The following ANKRD30A variants were observed in gnomAD, a reference collection of about 807,000 sequenced individuals.
The protein encoded by ANKRD30A is ankyrin repeat domain-containing protein 30A.
Under a neutral mutation model 166.3 loss-of-function variants are expected in ANKRD30A, and 170 were observed. The observed-to-expected ratio is 1.02, with a 90% CI of 0.90 to 1.16. ANKRD30A has a LOEUF of 1.16. Ranked by LOEUF, ANKRD30A falls within the 50% of genes most tolerant of loss-of-function variation. The pLI is 0.00. For missense variants in ANKRD30A, 1,630 were observed against 1,518.0 expected (o/e 1.07, Z -1.23); for synonymous variants, 564 against 508.9 (o/e 1.11, Z -1.46).
chr10:37,196,154 A>C (rs1420918305), intron 27 of ANKRD30A, among the ~76,000 whole-genome samples: 1 of 150,140 alleles, frequency 6.7e-6, no homozygotes, highest in Non-Finnish European at 1.5e-5. Context: ...GACAAACAAG[A>C]AAGAATGTAG....
At chr10:37,158,313 C>T (rs775201694) in intron 13 of ANKRD30A, 79 bp from the exon 14 acceptor site, 19 of 1,518,346 alleles carry the variant, frequency 1.3e-5, no homozygotes, top group Non-Finnish European at 1.6e-5. Flanking sequence ...GATTCATCTT[C>T]ATGTTCACAC....
At chr10:37,259,591 G>A in the ANKRD30A span, among the ~76,000 whole-genome samples, 2 of 152,228 alleles carry the variant, frequency 1.3e-5, no homozygotes, top group African/African-American at 4.8e-5. Context: ...AAGCAACCCA[G>A]TTGTGCATCA....
At chr10:37,151,256 A>T (rs575468879) in intron 11 of ANKRD30A, among the ~76,000 whole-genome samples, 8 of 152,140 alleles carry the variant, frequency 5.3e-5, no homozygotes, top group African/African-American at 1.9e-4. Context: ...TATTTTTGGT[A>T]TAAATTCATT....
rs187956280 is a variant in ANKRD30A, at chr10:37,149,449, C to T, written c.1544-202C>T. 3.3e-3 allele frequency among the ~76,000 whole-genome samples: 508 copies of T among 152,176 alleles called. 2 individuals carry two copies. Among genetic ancestry groups the T allele is most frequent in the Middle Eastern group, 0.02 (6 of 294 alleles). On this transcript the variant is annotated intron_variant, in intron 9 of 35. Transcript: ENST00000361713. ...CGCTTTGAAGTCTTAACTGCACGAT[C>T]TATGAAACCTATATTTATATTTTCT...
chr10:37,143,116 A>G (rs1837268482), intron 7 of ANKRD30A, among the ~76,000 whole-genome samples: 1 of 152,214 alleles, frequency 6.6e-6, no homozygotes, highest in African/African-American at 2.4e-5. Flanking sequence ...TTAGCTTAGA[A>G]TAATGATTTC....
chr10:37,231,557 C>T lies in ANKRD30A; in HGVS notation c.*88C>T, dbSNP rs974005262. ...TGCTAGGAGGCCAGTCCTAGCATCA[C>T]CTTATGTTGAAAATCTTACCAATAG... On this transcript the variant is annotated 3_prime_UTR_variant, in exon 35 of 36. Transcript: ENST00000361713. The T allele has an allele frequency of 2.8e-6, 3 of 1,074,272 alleles. No individual in the cohort carries two copies. The highest frequency in any genetic ancestry group is 4.0e-6 in the Non-Finnish European group (3 of 756,346). 66.5% of individuals were successfully genotyped at this position (1,074,272 alleles called of 1,614,324 possible). A position where few individuals can be genotyped will look rare whatever the true frequency, so the allele number is the denominator to read the frequency against.
intron 11 of ANKRD30A, among the ~76,000 whole-genome samples, 180 bp downstream of exon 11, chr10:37,150,029 AT>A (rs1342090111): frequency 7.9e-5 from 12 of 152,034 alleles, no homozygotes; most frequent in Non-Finnish European, 2.9e-5. Flanking sequence ...TTTTTAATAT[AT>A]TTTTTAAAAA....
intron 27 of ANKRD30A, among the ~76,000 whole-genome samples, chr10:37,194,503 G>T (rs1235497441): frequency 1.3e-5 from 2 of 151,942 alleles, no homozygotes; most frequent in Admixed American, 1.3e-4. Flanking sequence ...ACCACGCCTG[G>T]CTAATGTTTT....
intron 19 of ANKRD30A, among the ~76,000 whole-genome samples, chr10:37,167,659 A>C (rs926087867): frequency 6.6e-6 from 1 of 151,894 alleles, no homozygotes; most frequent in Non-Finnish European, 1.5e-5. Flanking sequence ...ATCTTCCTGC[A>C]TGAGTGGATT....
intron 34 of ANKRD30A, among the ~76,000 whole-genome samples, chr10:37,231,110 T>C (rs1843392366): frequency 6.6e-6 from 1 of 152,104 alleles, no homozygotes; most frequent in Admixed American, 6.6e-5. Flanking sequence ...TTTAAACTGG[T>C]TTAATAAACA....
At chr10:37,207,895 A>G (rs926367084) in intron 31 of ANKRD30A, among the ~76,000 whole-genome samples, 3 of 152,114 alleles carry the variant, frequency 2.0e-5, no homozygotes, top group Non-Finnish European at 4.4e-5. Flanking sequence ...TTATCCTGGA[A>G]AACAAACTAT....
intron 34 of ANKRD30A, among the ~76,000 whole-genome samples, chr10:37,225,155 A>T (rs1228790936): frequency 6.6e-6 from 1 of 151,116 alleles, no homozygotes; most frequent in Non-Finnish European, 1.5e-5. Context: ...TATATATAAA[A>T]ACTATATATA....
the ANKRD30A span, among the ~76,000 whole-genome samples, chr10:37,242,454 T>C: frequency 0.013 from 1,934 of 152,326 alleles, 46 homozygotes; most frequent in African/African-American, 0.045. Flanking sequence ...GGGAGTTCAT[T>C]TGAGACTATG....
At chr10:37,193,522 C>A (rs1289852726) in intron 27 of ANKRD30A, among the ~76,000 whole-genome samples, 1 of 151,912 alleles carries the variant, frequency 6.6e-6, no homozygotes, top group Non-Finnish European at 1.5e-5. Context: ...TTTGCAATTT[C>A]TGTACGCGCT....
chr10:37,235,804 C>G (rs1843646681), downstream of ANKRD30A, among the ~76,000 whole-genome samples: 1 of 133,742 alleles, frequency 7.5e-6, no homozygotes, highest in Admixed American at 8.3e-5. Flanking sequence ...GAATCTCGCT[C>G]TGTCACTCAG....
intron 5 of ANKRD30A, among the ~76,000 whole-genome samples, chr10:37,135,915 G>A (rs776703336): frequency 2.6e-5 from 4 of 152,106 alleles, no homozygotes; most frequent in Non-Finnish European, 4.4e-5. Context: ...ACAGAAAACT[G>A]CAACATTTGA....
At chr10:37,162,469 T>C (rs1588839100) in intron 15 of ANKRD30A, among the ~76,000 whole-genome samples, 180 bp from the exon 16 acceptor site, 1 of 152,180 alleles carries the variant, frequency 6.6e-6, no homozygotes, top group African/African-American at 2.4e-5. Flanking sequence ...ATTTATATTT[T>C]CTTCAGTGTA....
the ANKRD30A span, chr10:37,240,919 GT>G: frequency 6.6e-6 from 1 of 152,218 alleles, no homozygotes; most frequent in East Asian, 1.9e-4. Context: ...TAATTCCAGT[GT>G]TTGTCACGTG....
At chr10:37,242,201 G>A in the ANKRD30A span, among the ~76,000 whole-genome samples, 1 of 152,146 alleles carries the variant, frequency 6.6e-6, no homozygotes, top group Non-Finnish European at 1.5e-5. Flanking sequence ...ATAAAGTTTA[G>A]TAATGCAGAA....
Sources: allele counts gnomAD v4.1 joint callset (sites outside exome capture counted in the v4.1 genomes callset), GRCh38; gene constraint gnomAD v4.1.1; transcripts MANE v1.5; gene names NCBI Gene and HGNC (gene_info 2026-07-23, HGNC 2026-07-21).